The following GRID2 variants were observed in gnomAD, a reference collection of about 807,000 sequenced individuals.
The protein encoded by GRID2 is glutamate receptor ionotropic, delta-2.
A neutral mutation model predicts 114.8 loss-of-function variants in GRID2; 33 were observed. The ratio of observed to expected loss-of-function variants is 0.29; its 90% CI spans 0.22 to 0.38. The LOEUF (loss-of-function observed/expected upper bound fraction) is 0.38, where lower values mean the gene tolerates loss of function less well. Among genes scored for constraint, GRID2 ranks in the 10% least tolerant of loss-of-function variants. The pLI is 1.00. For synonymous variants in GRID2, 505 were observed against 449.9 expected (o/e 1.12, Z -1.55); for missense variants, 1,184 against 1,257.7 (o/e 0.94, Z 0.89).
At chr4:92,759,369 A>G (rs1409354006) in intron 2 of GRID2, among the ~76,000 whole-genome samples, 2 of 152,184 alleles carry the variant, frequency 1.3e-5, no homozygotes, top group African/African-American at 4.8e-5. Flanking sequence ...TGACTCACAT[A>G]CTTTCTAATT....
intron 2 of GRID2, among the ~76,000 whole-genome samples, chr4:92,891,081 G>T (rs1003128014): frequency 3.3e-5 from 5 of 152,110 alleles, no homozygotes; most frequent in African/African-American, 1.2e-4. Flanking sequence ...CATGGACACA[G>T]GGAGGGGAAC....
At chr4:92,386,616 T>TAAATTAAGGCAATTTTAG (rs1729973633) in intron 1 of GRID2, among the ~76,000 whole-genome samples, 1 of 151,804 alleles carries the variant, frequency 6.6e-6, no homozygotes, top group South Asian at 2.1e-4. Context: ...TATTTATGAT[T>TAAATTAAGGCAATTTTAG]AAATTAAGGC....
At chr4:93,779,410 G>T (rs1003745623), downstream of GRID2, among the ~76,000 whole-genome samples, 28 of 152,100 alleles carry the variant, frequency 1.8e-4, no homozygotes, top group African/African-American at 6.5e-4. Context: ...CTGTGCTTCT[G>T]GTGTACTGAA....
intron 3 of GRID2, among the ~76,000 whole-genome samples, chr4:93,108,848 C>G (rs575875130): frequency 1.3e-5 from 2 of 152,166 alleles, no homozygotes; most frequent in African/African-American, 2.4e-5. Flanking sequence ...CCAGGCTGGT[C>G]TCAAGCTCCT....
intron 14 of GRID2, among the ~76,000 whole-genome samples, chr4:93,735,290 G>A (rs538912337): frequency 6.6e-6 from 1 of 152,084 alleles, no homozygotes; most frequent in South Asian, 2.1e-4. Context: ...GTGTCCCAGT[G>A]GTCATAGGCC....
At chr4:92,351,303 A>G (rs1728058243) in intron 1 of GRID2, among the ~76,000 whole-genome samples, 1 of 151,838 alleles carries the variant, frequency 6.6e-6, no homozygotes, top group Non-Finnish European at 1.5e-5. Context: ...GCAATGTATG[A>G]ATGCTTCAAT....
intron 2 of GRID2, among the ~76,000 whole-genome samples, chr4:93,022,565 C>T (rs1342970591): frequency 6.6e-6 from 1 of 151,928 alleles, no homozygotes. Flanking sequence ...GTTAAAGAAA[C>T]TACATTTTGA....
intron 4 of GRID2, among the ~76,000 whole-genome samples, chr4:93,197,153 A>C (rs531425142): frequency 6.6e-6 from 1 of 152,318 alleles, no homozygotes; most frequent in Admixed American, 6.5e-5. Flanking sequence ...GAGTATAAAT[A>C]AATAAAAGTC....
At chr4:92,768,712 G>A (rs1268497105) in intron 2 of GRID2, among the ~76,000 whole-genome samples, 2 of 152,124 alleles carry the variant, frequency 1.3e-5, no homozygotes, top group Admixed American at 6.5e-5. Flanking sequence ...CAAGAATGGT[G>A]GCAGGCAAAG....
At chr4:92,491,338 C>T (rs566213932) in intron 1 of GRID2, among the ~76,000 whole-genome samples, 4 of 152,236 alleles carry the variant, frequency 2.6e-5, no homozygotes, top group African/African-American at 4.8e-5. Flanking sequence ...TTTCTAAGAG[C>T]TCCGGTCCTG....
At chr4:93,757,214 C>CA (rs1313963334) in intron 14 of GRID2, among the ~76,000 whole-genome samples, 4 of 151,698 alleles carry the variant, frequency 2.6e-5, no homozygotes, top group East Asian at 3.9e-4. Context: ...GGCTAACATC[C>CA]AAAAAAAAGA....
chr4:92,959,200 G>A (rs923035734), intron 2 of GRID2, among the ~76,000 whole-genome samples: 1 of 146,924 alleles, frequency 6.8e-6, no homozygotes, highest in African/African-American at 2.5e-5. Context: ...TTTCTACTCT[G>A]GTTTTTAGTA....
intron 13 of GRID2, 137 bp from the exon 14 acceptor site, chr4:93,626,132 A>G (rs1742708401): frequency 7.1e-6 from 4 of 564,498 alleles, no homozygotes; most frequent in Non-Finnish European, 1.2e-5. Context: ...CCCAACAGAT[A>G]CTGAAGGATG....
intron 2 of GRID2, among the ~76,000 whole-genome samples, chr4:92,876,717 G>T (rs561673264): frequency 6.6e-6 from 1 of 152,308 alleles, no homozygotes; most frequent in South Asian, 2.1e-4. Flanking sequence ...CAGAGATTCT[G>T]ATTCATTAGT....
chr4:92,944,240 C>T (rs1405115072), intron 2 of GRID2, among the ~76,000 whole-genome samples: 4 of 152,144 alleles, frequency 2.6e-5, no homozygotes, highest in Non-Finnish European at 5.9e-5. Context: ...CCAATTTTGG[C>T]CGCTTTGTTT....
At chr4:93,099,170 G>A (rs1360124579) in intron 3 of GRID2, among the ~76,000 whole-genome samples, 1 of 151,862 alleles carries the variant, frequency 6.6e-6, no homozygotes, top group Non-Finnish European at 1.5e-5. Flanking sequence ...CTCTTTGGTA[G>A]AAGGGTGAAG....
At chr4:93,533,698 T>A (rs79118455) in intron 13 of GRID2, among the ~76,000 whole-genome samples, 2 of 151,522 alleles carry the variant, frequency 1.3e-5, no homozygotes, top group Non-Finnish European at 2.9e-5. Flanking sequence ...CCCCTGTAGG[T>A]TTTTTATTTA....
At chr4:92,839,482 T>C (rs1003869326) in intron 2 of GRID2, among the ~76,000 whole-genome samples, 2 of 142,980 alleles carry the variant, frequency 1.4e-5, no homozygotes, top group African/African-American at 5.1e-5. Flanking sequence ...CGTGTTCTCA[T>C]TGTTTTTAAA....
intron 4 of GRID2, among the ~76,000 whole-genome samples, chr4:93,186,162 G>A (rs1740398741): frequency 6.6e-6 from 1 of 152,068 alleles, no homozygotes; most frequent in Non-Finnish European, 1.5e-5. Context: ...TGGACATTTG[G>A]GTTGGTTCCA....
Sources: gnomAD v4.1 joint callset for allele counts (sites outside exome capture counted in the v4.1 genomes callset) on GRCh38, gnomAD v4.1.1 for gene constraint, MANE v1.5 for transcripts, NCBI Gene and HGNC (gene_info 2026-07-23, HGNC 2026-07-21) for gene names.